TRIM56: variants seen among roughly 807,000 people sequenced by gnomAD.
The protein encoded by TRIM56 is E3 ubiquitin-protein ligase TRIM56.
In TRIM56, 10 loss-of-function variants were observed where a neutral mutation model predicts 17.1. The observed-to-expected ratio is 0.58, with a 90% CI of 0.36 to 0.99. TRIM56 has a LOEUF of 0.99. Ranked by LOEUF, TRIM56 falls within the 50% of genes least tolerant of loss-of-function variation. The pLI is 0.01. For synonymous variants in TRIM56, 503 were observed against 473.5 expected (o/e 1.06, Z -0.81); for missense variants, 923 against 1,052.3 (o/e 0.88, Z 1.70).
chr7:101,088,278 C>T lies in TRIM56; in HGVS notation c.966C>T (p.Leu322=), dbSNP rs563284126. The part of the protein sequence containing the change: ...VLSLGREAEI[L]SLEGAIAQRL... Reference sequence around the variant, plus strand: ...GCCTGGGGCGAGAGGCCGAGATCCTCTCCCTGGAAGGGGCGATCGCACAGC... The same window carrying T: ...GCCTGGGGCGAGAGGCCGAGATCCTTTCCCTGGAAGGGGCGATCGCACAGC... The change falls in exon 3 of 3, where the codon CTC becomes CTT. Residue 322 remains leucine (L), a synonymous_variant. Coordinates refer to ENST00000306085, the MANE Select transcript of TRIM56 (RefSeq NM_030961.3). 3 of 1,516,956 alleles carry T rather than the reference C, an allele frequency of 2.0e-6. No individual in the cohort carries two copies. The East Asian group carries it at 6.9e-5, about 35-fold the overall frequency. The allele number at this position is 1,516,956 out of a possible 1,614,324, so 94.0% of individuals were successfully genotyped here. A position where few individuals can be genotyped will look rare whatever the true frequency, so the allele number is the denominator to read the frequency against.
rs1795566285 is a variant in TRIM56, at chr7:101,091,653, G to A, written c.*2073G>A. ...GAGGCAGGAGAATCATTTGAACCCAGGAGGTGGAAGTTGCAGTGAGCTCAG... is the reference window on the plus strand; with the variant it reads ...GAGGCAGGAGAATCATTTGAACCCAAGAGGTGGAAGTTGCAGTGAGCTCAG... On this transcript the variant is annotated 3_prime_UTR_variant, in exon 3 of 3. Transcript: ENST00000306085. The A allele has an allele frequency of 2.3e-6, 1 of 431,866 alleles. No individual in the cohort carries two copies. The highest frequency in any genetic ancestry group is 1.6e-5 in the South Asian group (1 of 60,892). The allele number at this position is 431,866 out of a possible 1,614,324, so 26.8% of individuals were successfully genotyped here.
Position 101,089,856 on chromosome 7 carries a change from C to A in TRIM56, c.*276C>A. The A allele has an allele frequency of 2.4e-6, 1 of 421,944 alleles. No individual in the cohort carries two copies. Among genetic ancestry groups the A allele is most frequent in the Non-Finnish European group, 4.5e-6 (1 of 224,290 alleles). The allele number at this position is 421,944 out of a possible 1,614,324, so 26.1% of individuals were successfully genotyped here. A position where few individuals can be genotyped will look rare whatever the true frequency, so the allele number is the denominator to read the frequency against. ...CTTGCTTTTTGTGGGTGGCTGCTGC[C>A]ACCACCGCCGCTGCTATATAGTTTA... is the stretch of plus-strand genomic sequence containing the variant. On this transcript the variant is annotated 3_prime_UTR_variant, in exon 3 of 3. Transcript: ENST00000306085.
At position 101,087,414 on chromosome 7, in the gene TRIM56, G is replaced by T; in HGVS notation, c.102G>T (p.Leu34=). Residue 34 remains leucine (L), a synonymous_variant, in exon 3 of 3, where the codon CTG becomes CTT. Coordinates refer to ENST00000306085, the MANE Select transcript of TRIM56 (RefSeq NM_030961.3). ...CLEQLRAPKT[L]PCLHTYCQDC... is the part of the protein sequence containing the mutation. ...AGCAGCTGCGGGCACCCAAGACACT[G>T]CCCTGCCTGCATACCTACTGCCAAG... 1 of 1,612,766 alleles carries T rather than the reference G, an allele frequency of 6.2e-7. No individual in the cohort carries two copies. Among genetic ancestry groups the T allele is most frequent in the Non-Finnish European group, 8.5e-7 (1 of 1,179,996 alleles).
rs577229221 is a variant in TRIM56 at position 101,089,735 on chromosome 7, T to A, written c.*155T>A. 1.0e-5 allele frequency: 7 copies of A among 685,164 alleles called. No individual in the cohort carries two copies. The highest frequency in any genetic ancestry group is 1.8e-5 in the African/African-American group (1 of 55,200). The allele number at this position is 685,164 out of a possible 1,614,324, so 42.4% of individuals were successfully genotyped here. ...GCCAAACTGCTAACCCGTCTTCTAG[T>A]GTGTGAGAATAGGGACCAAGGTGGT... On this transcript the variant is annotated 3_prime_UTR_variant, in exon 3 of 3. Transcript: ENST00000306085.
At position 101,089,074 on chromosome 7, in the gene TRIM56, T is replaced by C; in HGVS notation, c.1762T>C (p.Ser588Pro). 1 of 1,598,312 alleles carries C rather than the reference T, an allele frequency of 6.3e-7. No individual in the cohort carries two copies. Among genetic ancestry groups the C allele is most frequent in the Non-Finnish European group, 8.5e-7 (1 of 1,174,964 alleles). Residue 588 changes from serine to proline, a missense_variant, in exon 3 of 3, where the codon TCC becomes CCC. Physicochemically the swap from Ser to Pro is moderately conservative, Grantham distance 74 (BLOSUM62 -1). Coordinates refer to ENST00000306085, the MANE Select transcript of TRIM56 (RefSeq NM_030961.3). ...EVQWRRALSL[S>P]QASHAVAALP... The stretch of plus-strand genomic sequence containing the variant: ...GCAGTGGCGCAGGGCCCTGAGCCTC[T>C]CCCAGGCCAGCCACGCGGTGGCGGC...
rs1440408511 is a variant in TRIM56, at chr7:101,089,334, A to G, written c.2022A>G (p.Pro674=). The G allele has an allele frequency of 6.2e-7, 1 of 1,606,464 alleles. No individual in the cohort carries two copies. The highest frequency in any genetic ancestry group is 8.5e-7 in the Non-Finnish European group (1 of 1,174,450). Residue 674 remains proline, a synonymous_variant, in exon 3 of 3, where the codon CCA becomes CCG. Transcript: ENST00000306085. ...AGGTGGTTGGGGAGTACAAGGGGCC[A>G]GGCCTGCATGGCTGCCAGCCGGGCT... ...LGQVVGEYKG[P]GLHGCQPGSV...
chr7:101,096,547 A>G lies in TRIM56; in HGVS notation c.*6967A>G, dbSNP rs1217073695. 1 of 152,242 alleles carries G rather than the reference A, an allele frequency of 6.6e-6. No individual in the cohort carries two copies. 9.4% of individuals were successfully genotyped at this position (152,242 alleles called of 1,614,324 possible). A position where few individuals can be genotyped will look rare whatever the true frequency, so the allele number is the denominator to read the frequency against. On this transcript the variant is annotated 3_prime_UTR_variant, in exon 3 of 3. Transcript: ENST00000306085. ...TTTGTACATCAGTAACATTGGGATA[A>G]TGACATCCACATGCCCACTTCACAG...
Position 101,089,508 on chromosome 7 carries a change from T to C in TRIM56, c.2196T>C (p.Asp732=). The C allele has an allele frequency of 6.2e-7, 1 of 1,614,216 alleles. No homozygotes were observed. The highest frequency in any genetic ancestry group is 1.1e-5 in the South Asian group (1 of 91,090). The part of the protein sequence containing the change: ...LEKPRVTTMV[D]GRYLVVSLSN... ...AGCCCCGGGTTACCACCATGGTGGA[T>C]GGCAGGTACCTGGTCGTGTCCCTCA... Residue 732 remains aspartate, a synonymous_variant, in exon 3 of 3, where the codon GAT becomes GAC. Coordinates refer to ENST00000306085, the MANE Select transcript of TRIM56 (RefSeq NM_030961.3).
Position 101,088,899 on chromosome 7 carries a change from G to A in TRIM56, c.1587G>A (p.Arg529=), listed in dbSNP as rs1185146286. 1 of 1,613,886 alleles carries A rather than the reference G, an allele frequency of 6.2e-7. No individual in the cohort carries two copies. ...TCCTGGTGGCGGATGAGCAGAACCG[G>A]GCACTGAAACGCTTCTCCCTCAACG... ...REILVADEQN[R]ALKRFSLNGD... is the part of the protein sequence containing the mutation. Residue 529 remains arginine (R), a synonymous_variant, in exon 3 of 3, where the codon CGG becomes CGA. Coordinates refer to ENST00000306085, the MANE Select transcript of TRIM56 (RefSeq NM_030961.3).
In TRIM56 at chr7:101,087,169, G is replaced by A; in HGVS notation, c.-2+1G>A. 3 of 767,294 alleles carry A rather than the reference G, an allele frequency of 3.9e-6. No individual in the cohort carries two copies. The highest frequency in any genetic ancestry group is 4.3e-6 in the Non-Finnish European group (2 of 466,438). The allele number at this position is 767,294 out of a possible 1,614,324, so 47.5% of individuals were successfully genotyped here. On this transcript the variant is annotated splice_donor_variant, in intron 2 of 2. Coordinates refer to ENST00000306085, the MANE Select transcript of TRIM56 (RefSeq NM_030961.3). LOFTEE classifies it low-confidence loss of function (5UTR_SPLICE). ...TAGAAGGAAGTTCCTGGCCATTCAG[G>A]TGAGACCTCAGGTTCCTTCCCGGCC...
At position 101,088,423 on chromosome 7, in the gene TRIM56, G is replaced by A. The variant is rs550746689; in HGVS notation, c.1111G>A (p.Glu371Lys). 5 of 1,612,640 alleles carry A rather than the reference G, an allele frequency of 3.1e-6. No homozygotes were observed. The East Asian group carries it at 1.1e-4, about 36-fold the overall frequency. ...KNCHLLRLSF[E>K]EQQPQKDGGK... is the part of the protein sequence containing the mutation. Reference sequence around the variant, plus strand: ...CTGCCACCTTCTTCGGCTGTCCTTTGAGGAGCAGCAGCCCCAGAAGGATGG... The same window carrying A: ...CTGCCACCTTCTTCGGCTGTCCTTTAAGGAGCAGCAGCCCCAGAAGGATGG... The change falls in exon 3 of 3, where the codon GAG (glutamate) becomes AAG (lysine). Residue 371 changes from glutamate (E) to lysine (K), a missense_variant. Physicochemically the swap from Glu to Lys is moderately conservative, Grantham distance 56. Coordinates refer to ENST00000306085, the MANE Select transcript of TRIM56 (RefSeq NM_030961.3).
In TRIM56 at chr7:101,089,173, G is replaced by A. The variant is rs1467983417; in HGVS notation, c.1861G>A (p.Ala621Thr). 6.2e-7 allele frequency: 1 copy of A among 1,612,538 alleles called. No homozygotes were observed. The highest frequency in any genetic ancestry group is 1.1e-5 in the South Asian group (1 of 91,048). Reference protein sequence around the residue: ...VEVYNMEGSLATRFIPGGKAS... With the variant: ...VEVYNMEGSLTTRFIPGGKAS... ...GGTGTACAATATGGAAGGCAGCCTG[G>A]CCACCCGGTTCATTCCTGGAGGCAA... The change falls in exon 3 of 3, where the codon GCC (alanine) becomes ACC (threonine). Residue 621 changes from alanine (A) to threonine (T), a missense_variant. By Grantham distance (58) the Ala-to-Thr change is moderately conservative. Around this residue, in one of 3 missense-constraint regions of TRIM56, gnomAD observed 182 missense variants for 243.1 expected, o/e 0.75. Transcript: ENST00000306085.
chr7:101,097,474 A>G lies in TRIM56; in HGVS notation c.*7894A>G, dbSNP rs142328669. The G allele has an allele frequency of 1.2e-4, 19 of 152,356 alleles. No individual in the cohort carries two copies. The highest frequency in any genetic ancestry group is 4.3e-4 in the African/African-American group (18 of 41,590). The allele number at this position is 152,356 out of a possible 1,614,324, so 9.4% of individuals were successfully genotyped here. A position where few individuals can be genotyped will look rare whatever the true frequency, so the allele number is the denominator to read the frequency against. On this transcript the variant is annotated 3_prime_UTR_variant, in exon 3 of 3. Transcript: ENST00000306085. Reference sequence around the variant, plus strand: ...ATTAGACTACCCAACTGGATTGTGAATGCAGTTTATGAAATGGATCAGGAC... The same window carrying G: ...ATTAGACTACCCAACTGGATTGTGAGTGCAGTTTATGAAATGGATCAGGAC...
At position 101,087,972 on chromosome 7, in the gene TRIM56, G is replaced by T; in HGVS notation, c.660G>T (p.Leu220=). The change falls in exon 3 of 3, where the codon CTG becomes CTT. Residue 220 remains leucine, a synonymous_variant. Transcript: ENST00000306085. ...GGAGGCCGGGCCTGGAGGGACTGCT[G>T]GCCGGTGTGGACAATAACCTGGTGG... The part of the protein sequence containing the change: ...RARRPGLEGL[L]AGVDNNLVEL... 1 of 1,594,720 alleles carries T rather than the reference G, an allele frequency of 6.3e-7. No homozygotes were observed. The highest frequency in any genetic ancestry group is 8.5e-7 in the Non-Finnish European group (1 of 1,176,582).
rs201728612 is a variant in TRIM56, at chr7:101,088,592, C to G, written c.1280C>G (p.Thr427Ser). Residue 427 changes from threonine (T) to serine (S), a missense_variant, in exon 3 of 3, where the codon ACC (threonine) becomes AGC (serine). By Grantham distance (58) the Thr-to-Ser change is moderately conservative. Coordinates refer to ENST00000306085, the MANE Select transcript of TRIM56 (RefSeq NM_030961.3). ...CCAAAAGAGGAAAAAGCCCAGACAA[C>G]CCGAGAAGAGGGAGCCCAGACCTTG... Reference protein sequence around the residue: ...QTPKEEKAQTTREEGAQTLEE... With the variant: ...QTPKEEKAQTSREEGAQTLEE... The G allele has an allele frequency of 6.2e-7, 1 of 1,612,972 alleles. No homozygotes were observed. Among genetic ancestry groups the G allele is most frequent in the South Asian group, 1.1e-5 (1 of 91,070 alleles).
At position 101,087,833 on chromosome 7, in the gene TRIM56, G is replaced by T. The variant is rs769774482; in HGVS notation, c.521G>T (p.Gly174Val). ...GCGGCCCAGTGTCCCCAGCACCCCG[G>T]GGAGGCACTGCGCTTCCTGTGCCAG... is the stretch of plus-strand genomic sequence containing the variant. ...RQAAQCPQHP[G>V]EALRFLCQPC... The change falls in exon 3 of 3, where the codon GGG becomes GTG. Residue 174 changes from glycine (G) to valine (V), a missense_variant. Gly to Val is a moderately radical substitution (Grantham distance 109, BLOSUM62 -3). This residue lies in a region of TRIM56 where 643 missense variants were observed against 665.6 expected (regional missense o/e 0.97). Transcript: ENST00000306085. The T allele has an allele frequency of 6.9e-6, 11 of 1,604,262 alleles. No individual in the cohort carries two copies. Among genetic ancestry groups the T allele is most frequent in the Admixed American group, 1.7e-5 (1 of 59,654 alleles).
Position 101,087,644 on chromosome 7 carries a change from G to C in TRIM56, c.332G>C (p.Ser111Thr). ...CALCPLVGGT[S>T]TGGPATARCL... ...CTGTGTCCCCTGGTGGGTGGCACCA[G>C]CACCGGGGGGCCGGCCACGGCCCGG... The change falls in exon 3 of 3, where the codon AGC (serine) becomes ACC (threonine). Residue 111 changes from serine to threonine, a missense_variant. Around this residue, in one of 3 missense-constraint regions of TRIM56, gnomAD observed 643 missense variants for 665.6 expected, o/e 0.97. Coordinates refer to ENST00000306085, the MANE Select transcript of TRIM56 (RefSeq NM_030961.3). 2 of 1,608,656 alleles carry C rather than the reference G, an allele frequency of 1.2e-6. No individual in the cohort carries two copies.
At position 101,096,046 on chromosome 7, in the gene TRIM56, AGGCGTGGT is replaced by A. The variant is rs1460728421; in HGVS notation, c.*6470_*6477del. ...TCTACTAAAAATACAAAAATTAGCC[AGGCGTGGT>A]GGCACATGCCTGTAATCCCAGCTAC... On this transcript the variant is annotated 3_prime_UTR_variant, in exon 3 of 3. Transcript: ENST00000306085. 1 of 152,146 alleles carries A rather than the reference AGGCGTGGT, an allele frequency of 6.6e-6. No homozygotes were observed. The highest frequency in any genetic ancestry group is 1.5e-5 in the Non-Finnish European group (1 of 68,058). 9.4% of individuals were successfully genotyped at this position (152,146 alleles called of 1,614,324 possible).
At position 101,092,684 on chromosome 7, in the gene TRIM56, C is replaced by G. The variant is rs552269964; in HGVS notation, c.*3104C>G. 1 of 147,872 alleles carries G rather than the reference C, an allele frequency of 6.8e-6. No individual in the cohort carries two copies. The highest frequency in any genetic ancestry group is 2.2e-4 in the South Asian group (1 of 4,612). 9.2% of individuals were successfully genotyped at this position (147,872 alleles called of 1,614,324 possible). A position where few individuals can be genotyped will look rare whatever the true frequency, so the allele number is the denominator to read the frequency against. On this transcript the variant is annotated 3_prime_UTR_variant, in exon 3 of 3. Transcript: ENST00000306085. Reference sequence around the variant, plus strand: ...CGGGAGGGAGGTGGGGGATCAGTCCCCGCCCGGCCAGCCGCCCCGCCCGGG... The same window carrying G: ...CGGGAGGGAGGTGGGGGATCAGTCCGCGCCCGGCCAGCCGCCCCGCCCGGG...
Sources: allele counts gnomAD v4.1 joint callset, GRCh38; gene constraint gnomAD v4.1.1; regional missense constraint gnomAD v4.1.1; transcripts MANE v1.5; gene names NCBI Gene and HGNC (gene_info 2026-07-23, HGNC 2026-07-21).